Variants in DDX25 observed in about 807,000 individuals in gnomAD.
DDX25 encodes DEAD-box helicase 25, also known as ATP-dependent RNA helicase DDX25.
Under a neutral mutation model 64.6 loss-of-function variants are expected in DDX25, and 70 were observed. The observed-to-expected ratio is 1.08, with a 90% confidence interval of 0.89 to 1.32. DDX25 has a LOEUF of 1.32. Ranked by LOEUF, DDX25 falls within the 40% of genes most tolerant of loss-of-function variation. The pLI, the probability that DDX25 is intolerant of heterozygous loss-of-function variation, is 0.00. For synonymous variants in DDX25, 211 were observed against 213.3 expected (o/e 0.99, Z 0.09); for missense variants, 587 against 604.4 (o/e 0.97, Z 0.30).
upstream of DDX25, among the ~76,000 whole-genome samples, chr11:125,903,882 G>T (rs1029783845): frequency 2.0e-5 from 3 of 152,164 alleles, no homozygotes; most frequent in Non-Finnish European, 4.4e-5. Flanking sequence ...ATACCGAAAG[G>T]TAATGTTTTT....
chr11:125,908,302 G>T lies in DDX25; in HGVS notation c.404+14G>T. On this transcript the variant is annotated intron_variant, in intron 5 of 11. Coordinates refer to ENST00000263576, the MANE Select transcript of DDX25 (RefSeq NM_013264.5). ...GCTGGCACATCCGTGAGTTTCCAGG[G>T]TAGTGGTATTCTACTTGGTTATGTT... 6.2e-7 allele frequency: 1 copy of T among 1,613,448 alleles called. No individual in the cohort carries two copies. The highest frequency in any genetic ancestry group is 8.5e-7 in the Non-Finnish European group (1 of 1,179,666).
chr11:125,921,420 C>G lies in DDX25; in HGVS notation c.1390+41C>G, dbSNP rs763834532. Reference sequence around the variant, plus strand: ...CTCACAATATGAACTACAGACCTGCCGGTCTGACAGTGATGATGTGTGCTG... The same window carrying G: ...CTCACAATATGAACTACAGACCTGCGGGTCTGACAGTGATGATGTGTGCTG... On this transcript the variant is annotated intron_variant, in intron 11 of 11. Transcript: ENST00000263576. This position sits in a 1 kb window ranked among gnomAD's most constrained non-coding sequence, Gnocchi z 4.1. 6.3e-7 allele frequency: 1 copy of G among 1,590,996 alleles called. No homozygotes were observed.
At position 125,918,719 on chromosome 11, in the gene DDX25, G is replaced by A. The variant is rs754292550; in HGVS notation, c.1130G>A (p.Arg377Gln). 5.0e-6 allele frequency: 8 copies of A among 1,613,314 alleles called. No individual in the cohort carries two copies. The highest frequency in any genetic ancestry group is 6.8e-6 in the Non-Finnish European group (8 of 1,179,674). ...AGCGGGGAGCTGACCGTGGAGCAGC[G>A]AGCTTCCATCATTCAGAGGTTTCGG... Reference protein sequence around the residue: ...LLSGELTVEQRASIIQRFRDG... With the variant: ...LLSGELTVEQQASIIQRFRDG... Residue 377 changes from arginine (R) to glutamine (Q), a missense_variant, in exon 10 of 12, where the codon CGA becomes CAA. Arg to Gln is a conservative substitution (Grantham distance 43). Transcript: ENST00000263576.
At chr11:125,905,706 TTC>T in intron 3 of DDX25, 109 bp downstream of exon 3, 1 of 1,119,754 alleles carries the variant, frequency 8.9e-7, no homozygotes, top group Non-Finnish European at 1.3e-6. Flanking sequence ...CTGTCTTTGC[TTC>T]TGTTTTCTTA....
At chr11:125,909,110 C>G (rs1944932597) in intron 6 of DDX25, among the ~76,000 whole-genome samples, 1 of 152,164 alleles carries the variant, frequency 6.6e-6, no homozygotes, top group Non-Finnish European at 1.5e-5. Flanking sequence ...GTTTACCATT[C>G]TCCTAGTGTA....
chr11:125,911,289 C>T (rs1944964356), intron 7 of DDX25, 22 bp from the exon 8 acceptor site: 2 of 1,596,794 alleles, frequency 1.3e-6, no homozygotes, highest in African/African-American at 2.7e-5. Flanking sequence ...TGAAGGAGTG[C>T]TTAAAACCCT....
At chr11:125,911,800 G>T (rs1311511227) in intron 8 of DDX25, among the ~76,000 whole-genome samples, 1 of 152,182 alleles carries the variant, frequency 6.6e-6, no homozygotes, top group African/African-American at 2.4e-5. Context: ...ATTCTAAAGA[G>T]GATCTGTTAA....
intron 8 of DDX25, among the ~76,000 whole-genome samples, chr11:125,913,280 A>G (rs540024208): frequency 6.6e-6 from 1 of 151,688 alleles, no homozygotes; most frequent in South Asian, 2.1e-4. Flanking sequence ...TCCTTTGCTC[A>G]CTTAAGTTTT....
At chr11:125,907,313 A>G (rs185333412) in intron 4 of DDX25, among the ~76,000 whole-genome samples, 1 of 152,292 alleles carries the variant, frequency 6.6e-6, no homozygotes, top group Admixed American at 6.5e-5. Context: ...CATGTCATTA[A>G]AAGTTGAAGT....
At chr11:125,905,038 G>A (rs565642360) in intron 1 of DDX25, among the ~76,000 whole-genome samples, 174 bp from the exon 2 acceptor site, 1 of 152,276 alleles carries the variant, frequency 6.6e-6, no homozygotes, top group East Asian at 1.9e-4. Context: ...CAATTTTAGG[G>A]TAACTCATAC....
At chr11:125,904,197 C>A (rs891219375), upstream of DDX25, among the ~76,000 whole-genome samples, 1 of 152,142 alleles carries the variant, frequency 6.6e-6, no homozygotes, top group Non-Finnish European at 1.5e-5. Flanking sequence ...CGGCGGGCCG[C>A]GGGGCGGCGC....
intron 11 of DDX25, 146 bp from the exon 12 acceptor site, chr11:125,922,674 G>T (rs1945129507): frequency 5.0e-6 from 3 of 604,198 alleles, no homozygotes; most frequent in South Asian, 2.6e-5. Flanking sequence ...GTTAGTATTG[G>T]TCAGTGATTT....
At chr11:125,916,549 T>A (rs182964562) in intron 8 of DDX25, among the ~76,000 whole-genome samples, 9 of 152,322 alleles carry the variant, frequency 5.9e-5, no homozygotes, top group African/African-American at 2.2e-4. Context: ...GTTGCTCCCC[T>A]TTAATTTGTA....
Position 125,923,015 on chromosome 11 carries a change from C to T in DDX25, c.*134C>T. On this transcript the variant is annotated 3_prime_UTR_variant, in exon 12 of 12. Transcript: ENST00000263576. ...AGATGGCAAAATAAATGTCACGGTA[C>T]TTAGTTTTAAGACATGAGGTCTTTT... 1.3e-6 allele frequency: 1 copy of T among 751,884 alleles called. No homozygotes were observed. The highest frequency in any genetic ancestry group is 2.1e-6 in the Non-Finnish European group (1 of 477,808). The allele number at this position is 751,884 out of a possible 1,614,324, so 46.6% of individuals were successfully genotyped here. A position where few individuals can be genotyped will look rare whatever the true frequency, so the allele number is the denominator to read the frequency against.
chr11:125,926,168 C>T lies in DDX25; in HGVS notation c.*3287C>T, dbSNP rs1464201144. Reference sequence around the variant, plus strand: ...GCTGTTGGGATGGGCCTGCACTTTGCTCTCTGAACCGGGGGGCATTACTAT... The same window carrying T: ...GCTGTTGGGATGGGCCTGCACTTTGTTCTCTGAACCGGGGGGCATTACTAT... On this transcript the variant is annotated 3_prime_UTR_variant, in exon 12 of 12. Transcript: ENST00000263576. 1.3e-5 allele frequency: 2 copies of T among 152,340 alleles called. No individual in the cohort carries two copies. Among genetic ancestry groups the T allele is most frequent in the South Asian group, 2.1e-4 (1 of 4,832 alleles). The allele number at this position is 152,340 out of a possible 1,614,324, so 9.4% of individuals were successfully genotyped here.
chr11:125,917,909 C>A (rs528440845), intron 9 of DDX25, among the ~76,000 whole-genome samples: 5 of 152,196 alleles, frequency 3.3e-5, no homozygotes, highest in African/African-American at 9.6e-5. Context: ...GACAGAGTCT[C>A]GCTCTGTTGC....
intron 2 of DDX25, 63 bp downstream of exon 2, chr11:125,905,341 T>A: frequency 6.6e-7 from 1 of 1,526,380 alleles, no homozygotes; most frequent in South Asian, 1.2e-5. Flanking sequence ...TTTGCTTTCA[T>A]CACGTCCCTG....
intron 9 of DDX25, among the ~76,000 whole-genome samples, chr11:125,917,733 C>G (rs78437470): frequency 0.021 from 3,175 of 152,294 alleles, 102 homozygotes; most frequent in African/African-American, 0.069. Context: ...AGACCAGCAC[C>G]TATCTGGCAC....
chr11:125,904,490 G>A, upstream of DDX25: 2 of 1,472,344 alleles, frequency 1.4e-6, no homozygotes, highest in South Asian at 1.4e-5. Context: ...GGAAGCACGT[G>A]CTGGGGGCGG....
Sources: allele counts gnomAD v4.1 joint callset (sites outside exome capture counted in the v4.1 genomes callset), GRCh38; gene constraint gnomAD v4.1.1; non-coding constraint Gnocchi (gnomAD v3.1); transcripts MANE v1.5; gene names NCBI Gene and HGNC (gene_info 2026-07-23, HGNC 2026-07-21).